CEP350: variants seen among roughly 807,000 people sequenced by gnomAD.
CEP350 encodes the protein centrosome-associated protein 350.
In CEP350, 126 loss-of-function variants were observed where a neutral mutation model predicts 331.8. The ratio of observed to expected loss-of-function variants is 0.38; its 90% CI spans 0.33 to 0.44. The LOEUF is 0.44. CEP350 is among the 20% of genes least tolerant of loss of function. The pLI is 1.00. For missense variants in CEP350, 3,406 were observed against 3,634.6 expected, an observed-to-expected ratio of 0.94 and a Z score of 1.62; for synonymous variants, 1,200 against 1,259.5, an observed-to-expected ratio of 0.95 and a Z score of 1.00.
chr1:179,963,652 G>T (rs997021806), intron 1 of CEP350, among the ~76,000 whole-genome samples: 9 of 151,884 alleles, frequency 5.9e-5, no homozygotes, highest in Admixed American at 2.0e-4. Context: ...GGTTATAGGT[G>T]TATGGCTTTA....
intron 29 of CEP350, 88 bp downstream of exon 29, chr1:180,078,762 A>G (rs1364505263): frequency 9.2e-6 from 10 of 1,085,118 alleles, no homozygotes; most frequent in African/African-American, 1.6e-5. Flanking sequence ...AATTAATGAC[A>G]GTGTTAACTG....
intron 37 of CEP350, among the ~76,000 whole-genome samples, chr1:180,099,817 G>T (rs1379582021): frequency 7.6e-6 from 1 of 131,512 alleles, no homozygotes; most frequent in Non-Finnish European, 1.5e-5. Context: ...ACACAGTCTC[G>T]CTCTGTCACC....
At chr1:180,003,315 A>C (rs1460387125) in intron 7 of CEP350, 28 bp downstream of exon 7, 1 of 1,408,988 alleles carries the variant, frequency 7.1e-7, no homozygotes, top group Non-Finnish European at 9.8e-7. Flanking sequence ...TTATGTTTTG[A>C]GTATTTTGTC....
intron 21 of CEP350, among the ~76,000 whole-genome samples, chr1:180,045,859 C>CT (rs1277878089): frequency 1.3e-5 from 2 of 152,110 alleles, no homozygotes; most frequent in Non-Finnish European, 2.9e-5. Flanking sequence ...ATAATTGAGC[C>CT]TTTGGTCCAT....
intron 28 of CEP350, among the ~76,000 whole-genome samples, chr1:180,075,748 A>T (rs1173059952): frequency 1.3e-5 from 2 of 152,106 alleles, no homozygotes; most frequent in East Asian, 3.9e-4. Context: ...TGAGCTCAGG[A>T]GTTTGAGACC....
intron 10 of CEP350, among the ~76,000 whole-genome samples, chr1:180,015,611 T>A (rs1654924809): frequency 6.6e-6 from 1 of 152,168 alleles, no homozygotes; most frequent in Non-Finnish European, 1.5e-5. Context: ...ACTCAAGTGA[T>A]CCTCCCACTT....
At chr1:179,973,016 C>T (rs1420465125) in intron 1 of CEP350, among the ~76,000 whole-genome samples, 1 of 151,892 alleles carries the variant, frequency 6.6e-6, no homozygotes, top group Non-Finnish European at 1.5e-5. Flanking sequence ...TACAGGCGCC[C>T]ACCACCACAC....
At chr1:180,104,843 T>TA (rs1271090792) in intron 37 of CEP350, among the ~76,000 whole-genome samples, 1 of 152,198 alleles carries the variant, frequency 6.6e-6, no homozygotes, top group Non-Finnish European at 1.5e-5. Context: ...CGCCACCTGA[T>TA]ACAGCATTCT....
intron 37 of CEP350, among the ~76,000 whole-genome samples, chr1:180,106,964 GT>G (rs1661182110): frequency 3.9e-5 from 6 of 152,064 alleles, no homozygotes; most frequent in Admixed American, 3.9e-4. Flanking sequence ...GTGGCCCATT[GT>G]TCCAGGCTAC....
intron 15 of CEP350, among the ~76,000 whole-genome samples, chr1:180,033,369 G>C (rs982730281): frequency 6.6e-6 from 1 of 152,134 alleles, no homozygotes; most frequent in Non-Finnish European, 1.5e-5. Context: ...TGAATAGTGT[G>C]AAATTTTTTT....
rs1654814680 is a variant in CEP350 at position 180,013,971 on chromosome 1, A to G, written c.1518A>G (p.Ser506=). ...AAAATAATATAAAGAAACTAGCTTC[A>G]TCTCTTCCAGATAATAAGCAGGAGG... The part of the protein sequence containing the change: ...RSENNIKKLA[S]SLPDNKQEEN... The change falls in exon 10 of 38, where the codon TCA becomes TCG. Residue 506 remains serine, a synonymous_variant. Coordinates refer to ENST00000367607, the MANE Select transcript of CEP350 (RefSeq NM_014810.5). 2 of 1,613,726 alleles carry G rather than the reference A, an allele frequency of 1.2e-6. No homozygotes were observed. Among genetic ancestry groups the G allele is most frequent in the Non-Finnish European group, 1.7e-6 (2 of 1,179,650 alleles).
At chr1:180,013,652 GA>G (rs1654795092) in intron 9 of CEP350, among the ~76,000 whole-genome samples, 194 bp from the exon 10 acceptor site, 1 of 152,182 alleles carries the variant, frequency 6.6e-6, no homozygotes, top group Non-Finnish European at 1.5e-5. Context: ...TTTTTCAGAA[GA>G]TTGAGATTCT....
rs1433814890 is a variant in CEP350, at chr1:180,095,878, G to A, written c.8867G>A (p.Cys2956Tyr). The change falls in exon 35 of 38, where the codon TGT becomes TAT. Residue 2956 changes from cysteine to tyrosine, a missense_variant. This residue lies in a region of CEP350 where 1,415 missense variants were observed against 1,512.3 expected (regional missense o/e 0.94). Transcript: ENST00000367607. ...SISIPTKLLGCASKGLDIEST... is the reference protein window; with the variant it reads ...SISIPTKLLGYASKGLDIEST... ...AGTATTCCTACAAAACTGCTTGGCT[G>A]TGCCAGTAAAGGTCTAGATATAGAA... 2.5e-6 allele frequency: 4 copies of A among 1,612,650 alleles called. No homozygotes were observed. Among genetic ancestry groups the A allele is most frequent in the African/African-American group, 1.3e-5 (1 of 74,838 alleles).
chr1:180,005,354 C>A (rs1654184975), intron 7 of CEP350, among the ~76,000 whole-genome samples: 1 of 152,056 alleles, frequency 6.6e-6, no homozygotes, highest in Non-Finnish European at 1.5e-5. Context: ...TCATTTAATT[C>A]TATCCCTCTA....
chr1:179,999,178 C>T (rs1270125008), intron 6 of CEP350, among the ~76,000 whole-genome samples: 1 of 151,960 alleles, frequency 6.6e-6, no homozygotes, highest in Admixed American at 6.6e-5. Flanking sequence ...TCTGAAATAC[C>T]AATGATTATT....
intron 14 of CEP350, 93 bp downstream of exon 14, chr1:180,024,675 G>T: frequency 4.5e-6 from 6 of 1,331,948 alleles, no homozygotes; most frequent in South Asian, 3.5e-5. Flanking sequence ...GAAGTTAGAA[G>T]AATTTCTTAT....
rs2148833679 is a variant in CEP350, at chr1:180,020,665, A to G, written c.2891A>G (p.Gln964Arg). The G allele has an allele frequency of 4.3e-6, 7 of 1,614,016 alleles. No individual in the cohort carries two copies. The highest frequency in any genetic ancestry group is 1.1e-5 in the South Asian group (1 of 91,080). The change falls in exon 12 of 38, where the codon CAA becomes CGA. Residue 964 changes from glutamine to arginine, a missense_variant. Transcript: ENST00000367607. The stretch of plus-strand genomic sequence containing the variant: ...ACTGACTCTTCTAGCTCTGATATGC[A>G]AGCCTGTTCTCAAGACAAAGCCAAA... The part of the protein sequence containing the change: ...RQTDSSSSDM[Q>R]ACSQDKAKIS...
At chr1:180,030,229 A>T (rs535659880) in intron 14 of CEP350, among the ~76,000 whole-genome samples, 77 of 144,322 alleles carry the variant, frequency 5.3e-4, no homozygotes, top group African/African-American at 1.6e-3. Flanking sequence ...ATATATATAT[A>T]TTTTAAAGTA....
Position 180,111,418 on chromosome 1 carries a change from A to T in CEP350, c.*257A>T, listed in dbSNP as rs964036190. 2.9e-5 allele frequency: 9 copies of T among 306,398 alleles called. No individual in the cohort carries two copies. The Admixed American group carries it at 3.8e-4, about 13-fold the overall frequency. 19.0% of individuals were successfully genotyped at this position (306,398 alleles called of 1,614,324 possible). A position where few individuals can be genotyped will look rare whatever the true frequency, so the allele number is the denominator to read the frequency against. ...GTGTAATCCTACACCTTTTGCTAAC[A>T]CCCCTACTAGGTCCCAGAGGGCCAG... On this transcript the variant is annotated 3_prime_UTR_variant, in exon 38 of 38. Transcript: ENST00000367607.
Sources: gnomAD v4.1 joint callset for allele counts (sites outside exome capture counted in the v4.1 genomes callset) on GRCh38, gnomAD v4.1.1 for gene constraint, gnomAD v4.1.1 regional missense constraint, MANE v1.5 for transcripts, NCBI Gene and HGNC (gene_info 2026-07-23, HGNC 2026-07-21) for gene names.